Variants in UBAC2 observed in about 807,000 individuals in gnomAD.
UBAC2 encodes the protein UBA domain containing 2, also known as ubiquitin-associated domain-containing protein 2.
A neutral mutation model predicts 44.0 loss-of-function variants in UBAC2; 26 were observed. The observed-to-expected ratio is 0.59, with a 90% CI of 0.43 to 0.82. UBAC2 has a LOEUF of 0.82. Among genes scored for constraint, UBAC2 ranks in the 40% least tolerant of loss-of-function variants. The probability of loss-of-function intolerance (pLI) is 0.00; values close to 1 mark genes in which losing one functional copy is unlikely to be tolerated. For missense variants in UBAC2, 329 were observed against 419.4 expected (o/e 0.78, Z 1.88); for synonymous variants, 155 against 154.3 (o/e 1.00, Z -0.04).
intron 6 of UBAC2, among the ~76,000 whole-genome samples, chr13:99,332,542 G>T (rs1294504581): frequency 6.6e-6 from 1 of 152,192 alleles, no homozygotes; most frequent in Non-Finnish European, 1.5e-5. Context: ...CCTGGAGCCA[G>T]CGTGGGTCTT....
intron 8 of UBAC2, among the ~76,000 whole-genome samples, chr13:99,376,293 A>C (rs1050676540): frequency 6.6e-6 from 1 of 152,200 alleles, no homozygotes; most frequent in Non-Finnish European, 1.5e-5. Flanking sequence ...GCCATGTGGA[A>C]GTGTCACACC....
intron 1 of UBAC2, among the ~76,000 whole-genome samples, chr13:99,233,549 C>T (rs1470590540): frequency 1.3e-5 from 2 of 152,028 alleles, no homozygotes; most frequent in African/African-American, 2.4e-5. Flanking sequence ...CCAGAGCAGG[C>T]GTTGAGGGCC....
At chr13:99,313,156 A>C (rs1000890082) in intron 4 of UBAC2, 3 of 151,784 alleles carry the variant, frequency 2.0e-5, no homozygotes, top group Non-Finnish European at 2.9e-5. Flanking sequence ...GGCTAATTTT[A>C]TGTATTTTTA....
chr13:99,367,982 C>T (rs1003101910), intron 8 of UBAC2, 76 bp downstream of exon 8: 25 of 1,527,504 alleles, frequency 1.6e-5, no homozygotes, highest in Middle Eastern at 1.8e-4. Context: ...CAACAGGACT[C>T]AAAAGTAATC....
chr13:99,349,133 G>A (rs1000675993), intron 7 of UBAC2, among the ~76,000 whole-genome samples: 1 of 152,178 alleles, frequency 6.6e-6, no homozygotes, highest in Non-Finnish European at 1.5e-5. Flanking sequence ...CAGACCTCCA[G>A]ATCAATTACT....
intron 4 of UBAC2, among the ~76,000 whole-genome samples, chr13:99,259,981 G>T (rs948323086): frequency 6.6e-6 from 1 of 152,198 alleles, no homozygotes; most frequent in African/African-American, 2.4e-5. Flanking sequence ...GTTGGGGTGA[G>T]CTCTCACTTT....
At chr13:99,252,726 G>T (rs1368848768) in intron 4 of UBAC2, among the ~76,000 whole-genome samples, 1 of 152,100 alleles carries the variant, frequency 6.6e-6, no homozygotes, top group Non-Finnish European at 1.5e-5. Flanking sequence ...ATGTTTAAAT[G>T]TATTTGGTTA....
chr13:99,307,131 C>T (rs751784671), intron 4 of UBAC2, among the ~76,000 whole-genome samples: 2 of 152,114 alleles, frequency 1.3e-5, no homozygotes, highest in Non-Finnish European at 2.9e-5. Context: ...CTGGTGGACC[C>T]ATCGCTTTCA....
intron 8 of UBAC2, among the ~76,000 whole-genome samples, chr13:99,383,096 G>A (rs182630690): frequency 1.3e-5 from 2 of 152,340 alleles, no homozygotes; most frequent in Non-Finnish European, 2.9e-5. Flanking sequence ...CCACCTGGCA[G>A]TGAGGCCAGG....
chr13:99,328,056 T>C (rs891805983), intron 6 of UBAC2, among the ~76,000 whole-genome samples: 1 of 152,228 alleles, frequency 6.6e-6, no homozygotes, highest in Non-Finnish European at 1.5e-5. Flanking sequence ...CATGTAATTA[T>C]AGTTTTGCCT....
chr13:99,307,092 G>C (rs1034051110), intron 4 of UBAC2, among the ~76,000 whole-genome samples: 3 of 152,104 alleles, frequency 2.0e-5, no homozygotes, highest in African/African-American at 7.2e-5. Context: ...AGTACATGAA[G>C]TGAGCCCTAT....
In UBAC2 at chr13:99,299,701, A is replaced by G. The variant is rs149911175; in HGVS notation, c.390-14396A>G. Among the ~76,000 whole-genome samples, 441 of 152,230 alleles carry G rather than the reference A, an allele frequency of 2.9e-3. 2 individuals are homozygous for G. Among genetic ancestry groups the G allele is most frequent in the African/African-American group, 0.01 (428 of 41,532 alleles). On this transcript the variant is annotated intron_variant, in intron 4 of 8. Coordinates refer to ENST00000403766, the MANE Select transcript of UBAC2 (RefSeq NM_001144072.2). The stretch of plus-strand genomic sequence containing the variant: ...ACATGCTTTTCAAAGCTTGCTGTTC[A>G]GTGTTCCTTTTTCAGATTTCTGCAT...
intron 2 of UBAC2, among the ~76,000 whole-genome samples, chr13:99,242,771 G>T (rs1200137541): frequency 2.1e-5 from 3 of 143,742 alleles, no homozygotes; most frequent in Non-Finnish European, 3.1e-5. Context: ...GCTGCCGGGC[G>T]GAGACGCTCC....
intron 1 of UBAC2, chr13:99,215,689 C>T: frequency 2.0e-6 from 3 of 1,500,568 alleles, no homozygotes; most frequent in Non-Finnish European, 2.7e-6. Context: ...TGCAAGCCGG[C>T]TCTCTGCGAG....
intron 4 of UBAC2, among the ~76,000 whole-genome samples, chr13:99,308,148 A>G (rs2044363740): frequency 1.3e-5 from 2 of 152,230 alleles, no homozygotes; most frequent in Admixed American, 1.3e-4. Flanking sequence ...TTTGTAGGCT[A>G]AATTACCAGA....
At chr13:99,214,893 A>ACT (rs887540864) in intron 1 of UBAC2, among the ~76,000 whole-genome samples, 3 of 152,086 alleles carry the variant, frequency 2.0e-5, no homozygotes, top group Non-Finnish European at 2.9e-5. Context: ...CATTTGCACC[A>ACT]CTGGAGATGA....
intron 4 of UBAC2, among the ~76,000 whole-genome samples, chr13:99,298,464 C>A (rs770642053): frequency 2.6e-5 from 4 of 152,016 alleles, no homozygotes; most frequent in African/African-American, 4.8e-5. Context: ...GAAAGTACTA[C>A]CTGTGAAAAC....
intron 7 of UBAC2, among the ~76,000 whole-genome samples, chr13:99,353,540 A>T (rs1175784784): frequency 2.6e-5 from 4 of 152,224 alleles, no homozygotes; most frequent in Non-Finnish European, 4.4e-5. Flanking sequence ...ATGATGATGT[A>T]CTTGGCTTTT....
At chr13:99,348,577 G>A (rs1050862563) in intron 7 of UBAC2, among the ~76,000 whole-genome samples, 6 of 152,332 alleles carry the variant, frequency 3.9e-5, no homozygotes, top group South Asian at 4.1e-4. Flanking sequence ...AGGCCAGGAC[G>A]GGTCTTCTAC....
Sources: gnomAD v4.1 joint callset for allele counts (sites outside exome capture counted in the v4.1 genomes callset) on GRCh38, gnomAD v4.1.1 for gene constraint, MANE v1.5 for transcripts, NCBI Gene and HGNC (gene_info 2026-07-23, HGNC 2026-07-21) for gene names.